The following HEG1 variants were observed in gnomAD, a reference collection of about 807,000 sequenced individuals.
HEG1 encodes the protein heart development protein with EGF like domains 1, also known as protein HEG homolog 1.
Under a neutral mutation model 125.6 loss-of-function variants are expected in HEG1, and 56 were observed. The ratio of observed to expected loss-of-function variants is 0.45; its 90% CI spans 0.36 to 0.56. HEG1 has a LOEUF of 0.56. HEG1 is among the 20% of genes least tolerant of loss of function. The probability of loss-of-function intolerance (pLI) is 0.00; values close to 1 mark genes in which losing one functional copy is unlikely to be tolerated. For missense variants in HEG1, 1,523 were observed against 1,670.0 expected (o/e 0.91, Z 1.53); for synonymous variants, 644 against 668.5 (o/e 0.96, Z 0.57).
intron 1 of HEG1, among the ~76,000 whole-genome samples, chr3:125,042,964 T>G (rs1937607327): frequency 6.6e-6 from 1 of 152,156 alleles, no homozygotes; most frequent in African/African-American, 2.4e-5. Flanking sequence ...CCAAATGAGT[T>G]TGTGTGAACA....
intron 9 of HEG1, 106 bp downstream of exon 9, chr3:125,005,159 T>C: frequency 1.5e-6 from 1 of 671,376 alleles, no homozygotes; most frequent in Non-Finnish European, 2.6e-6. Flanking sequence ...ATAACAAAAG[T>C]GAAGAGCCCA....
chr3:125,029,366 A>C lies in HEG1; in HGVS notation c.439T>G (p.Ser147Ala). The part of the protein sequence containing the change: ...SSKEGVMVQT[S>A]GKSHAASDAP... Reference sequence around the variant, plus strand: ...TCCGAAGCAGCATGGCTCTTCCCAGAGGTCTGAACCATCACGCCCTCTTTG... The same window carrying C: ...TCCGAAGCAGCATGGCTCTTCCCAGCGGTCTGAACCATCACGCCCTCTTTG... Residue 147 changes from serine (S) to alanine (A), a missense_variant, in exon 2 of 17, where the codon TCT becomes GCT. Transcript: ENST00000311127. 1 of 1,613,822 alleles carries C rather than the reference A, an allele frequency of 6.2e-7. No individual in the cohort carries two copies. Among genetic ancestry groups the C allele is most frequent in the Non-Finnish European group, 8.5e-7 (1 of 1,179,902 alleles).
At chr3:124,981,577 C>A (rs1936654600) in intron 14 of HEG1, among the ~76,000 whole-genome samples, 2 of 152,178 alleles carry the variant, frequency 1.3e-5, no homozygotes, top group Non-Finnish European at 2.9e-5. Context: ...TGGGCAGGGG[C>A]TCAGAACCTC....
Position 124,970,666 on chromosome 3 carries a change from T to G in HEG1, c.4132A>C (p.Arg1378=). Residue 1378 remains arginine, a synonymous_variant, in exon 17 of 17, where the codon AGA becomes CGA. Coordinates refer to ENST00000311127, the MANE Select transcript of HEG1 (RefSeq NM_020733.2). ...PSFISDESRR[R]DYF is the part of the protein sequence containing the mutation. ...CTCTCCTGGACTTAAAAGTAGTCTC[T>G]TCTTCTGCTTTCATCACTGATGAAA... The G allele has an allele frequency of 2.5e-6, 4 of 1,601,700 alleles. No individual in the cohort carries two copies. Among genetic ancestry groups the G allele is most frequent in the Non-Finnish European group, 3.4e-6 (4 of 1,174,050 alleles).
chr3:125,017,295 T>C (rs1023199560), intron 5 of HEG1, among the ~76,000 whole-genome samples: 2 of 152,232 alleles, frequency 1.3e-5, no homozygotes, highest in Admixed American at 6.5e-5. Flanking sequence ...CCTCAAGTGA[T>C]TCACCCGCCT....
rs10658772 is a variant in HEG1 at position 125,036,209 on chromosome 3, C to CA, written c.317-6722dup. ...TGGATGACAAAGCAAGACCCTGTCT[C>CA]AAAAAAAAAAAAAAAAAGAAAAGAA... On this transcript the variant is annotated intron_variant, in intron 1 of 16. Transcript: ENST00000311127. 2.1e-3 allele frequency among the ~76,000 whole-genome samples: 149 copies of CA among 70,520 alleles called. 6 individuals are homozygous for CA. Among genetic ancestry groups the CA allele is most frequent in the South Asian group, 0.012 (17 of 1,420 alleles). The allele number at this position is 70,520 out of a possible 152,430, so 46.3% of individuals were successfully genotyped here. A position where few individuals can be genotyped will look rare whatever the true frequency, so the allele number is the denominator to read the frequency against.
At position 125,020,890 on chromosome 3, in the gene HEG1, C is replaced by T; in HGVS notation, c.1154G>A (p.Ser385Asn). ...ATCCCCTGGATTCCCAGTTACTCTA[C>T]TGTTTCTTCTCGATTCCACTGCAGA... ...SPSAVESRRN[S>N]RVTGNPGDEE... is the part of the protein sequence containing the mutation. Residue 385 changes from serine to asparagine, a missense_variant, in exon 4 of 17, where the codon AGT becomes AAT. Transcript: ENST00000311127. 6.2e-7 allele frequency: 1 copy of T among 1,614,046 alleles called. No individual in the cohort carries two copies. The highest frequency in any genetic ancestry group is 8.5e-7 in the Non-Finnish European group (1 of 1,179,894).
At chr3:125,041,207 T>C (rs922865849) in intron 1 of HEG1, among the ~76,000 whole-genome samples, 5 of 152,178 alleles carry the variant, frequency 3.3e-5, no homozygotes, top group African/African-American at 9.7e-5. Context: ...CCATACTGCT[T>C]TACATCCTTC....
intron 14 of HEG1, among the ~76,000 whole-genome samples, chr3:124,981,780 T>A (rs1033772310): frequency 6.6e-6 from 1 of 152,214 alleles, no homozygotes; most frequent in Non-Finnish European, 1.5e-5. Flanking sequence ...CTGCCTCGGG[T>A]AATGGTGGAT....
Position 125,009,759 on chromosome 3 carries a change from A to T in HEG1, c.3139T>A (p.Phe1047Ile). 6.2e-7 allele frequency: 1 copy of T among 1,613,640 alleles called. No homozygotes were observed. The highest frequency in any genetic ancestry group is 8.5e-7 in the Non-Finnish European group (1 of 1,179,614). Residue 1047 changes from phenylalanine to isoleucine, a missense_variant, in exon 8 of 17, where the codon TTT becomes ATT. By Grantham distance (21) the Phe-to-Ile change is conservative. Transcript: ENST00000311127. ...TAMCNNTQGSFICKCPVGYQL... is the reference protein window; with the variant it reads ...TAMCNNTQGSIICKCPVGYQL... ...TACCCAACCGGGCATTTGCAGATAA[A>T]GGATCCCTGAGTATTGTTGCACATG... is the stretch of plus-strand genomic sequence containing the variant.
At chr3:124,971,789 C>CTTTTT (rs10635471) in intron 16 of HEG1, among the ~76,000 whole-genome samples, 4 of 128,468 alleles carry the variant, frequency 3.1e-5, no homozygotes, top group African/African-American at 9.1e-5. Context: ...TGCGCCCGGC[C>CTTTTT]TTTTTTTTTT....
chr3:125,050,921 A>G (rs1937791979), intron 1 of HEG1, among the ~76,000 whole-genome samples: 1 of 152,236 alleles, frequency 6.6e-6, no homozygotes, highest in African/African-American at 2.4e-5. Context: ...AAGAGAGCAT[A>G]GATGTTCAAA....
Position 124,969,818 on chromosome 3 carries a change from C to A in HEG1, c.*834G>T, listed in dbSNP as rs1463392454. 6.6e-6 allele frequency: 1 copy of A among 152,202 alleles called. No homozygotes were observed. Among genetic ancestry groups the A allele is most frequent in the Non-Finnish European group, 1.5e-5 (1 of 68,084 alleles). The allele number at this position is 152,202 out of a possible 1,614,324, so 9.4% of individuals were successfully genotyped here. A position where few individuals can be genotyped will look rare whatever the true frequency, so the allele number is the denominator to read the frequency against. ...ATCGAGTCCCAGGCCCCAGGCTGGG[C>A]CCTCATGGATGAAAAGTGCCCCCCT... is the stretch of plus-strand genomic sequence containing the variant. On this transcript the variant is annotated 3_prime_UTR_variant, in exon 17 of 17. Coordinates refer to ENST00000311127, the MANE Select transcript of HEG1 (RefSeq NM_020733.2).
intron 1 of HEG1, among the ~76,000 whole-genome samples, chr3:125,052,049 A>C (rs192189459): frequency 2.8e-4 from 43 of 152,308 alleles, no homozygotes; most frequent in Admixed American, 6.5e-4. Flanking sequence ...ACACAGGCTG[A>C]GGAAAGCAAT....
intron 12 of HEG1, among the ~76,000 whole-genome samples, chr3:124,991,625 T>C (rs1289001207): frequency 6.6e-6 from 1 of 152,110 alleles, no homozygotes; most frequent in Non-Finnish European, 1.5e-5. Flanking sequence ...TAATTATTAT[T>C]ACTTTTTGAG....
rs932687368 is a variant in HEG1, at chr3:124,967,663, A to AG, written c.*2988dup. 1.9e-4 allele frequency: 29 copies of AG among 151,956 alleles called. No homozygotes were observed. Among genetic ancestry groups the AG allele is most frequent in the African/African-American group, 7.0e-4 (29 of 41,274 alleles). 9.4% of individuals were successfully genotyped at this position (151,956 alleles called of 1,614,324 possible). On this transcript the variant is annotated 3_prime_UTR_variant, in exon 17 of 17. Transcript: ENST00000311127. ...GGCAGAGTAGCTGGGGGAGTCAGGC[A>AG]GACAAGGGTTTCAGTCCTGCTTCTA...
At chr3:125,029,173 C>G (rs150904823) in intron 2 of HEG1, 22 bp downstream of exon 2, 16 of 1,601,774 alleles carry the variant, frequency 1.0e-5, no homozygotes, top group East Asian at 9.0e-5. Context: ...GCGTGAAATG[C>G]GCATCATCAG....
chr3:125,007,198 C>CAAAA (rs1212172102), intron 8 of HEG1, among the ~76,000 whole-genome samples: 13 of 54,654 alleles, frequency 2.4e-4, no homozygotes, highest in African/African-American at 4.0e-4. Flanking sequence ...GACTCCGTCT[C>CAAAA]AAAAAAAAAA....
chr3:125,022,693 AAAGAAATAAAT>A lies in HEG1; in HGVS notation c.914-1574_914-1564del, dbSNP rs1560028953. 3.4e-5 allele frequency among the ~76,000 whole-genome samples: 4 copies of A among 116,950 alleles called. 1 individual carries two copies. The highest frequency in any genetic ancestry group is 2.4e-4 in the East Asian group (1 of 4,148). The allele number at this position is 116,950 out of a possible 152,430, so 76.7% of individuals were successfully genotyped here. On this transcript the variant is annotated intron_variant, in intron 3 of 16. Transcript: ENST00000311127. ...AAACACACTTCAGTATTAAAAAAAA[AAAGAAATAAAT>A]AAATAAAAAGAAAAGAAAGCATTAT... is the stretch of plus-strand genomic sequence containing the variant.
Sources: allele counts gnomAD v4.1 joint callset (sites outside exome capture counted in the v4.1 genomes callset), GRCh38; gene constraint gnomAD v4.1.1; transcripts MANE v1.5; gene names NCBI Gene and HGNC (gene_info 2026-07-23, HGNC 2026-07-21).